Variants in KIAA1217 observed in about 807,000 individuals in gnomAD.
KIAA1217 encodes the protein sickle tail protein homolog.
In KIAA1217, 88 loss-of-function variants were observed where a neutral mutation model predicts 163.9. The ratio of observed to expected loss-of-function variants is 0.54; its 90% CI spans 0.45 to 0.64. KIAA1217 has a LOEUF of 0.64. Ranked by LOEUF, KIAA1217 falls within the 30% of genes least tolerant of loss-of-function variation. KIAA1217 has a pLI of 0.00. For missense variants in KIAA1217, 2,372 were observed against 2,475.0 expected (o/e 0.96, Z 0.88); for synonymous variants, 903 against 923.1 (o/e 0.98, Z 0.39).
chr10:23,719,753 C>T (rs1361231810), intron 1 of KIAA1217, among the ~76,000 whole-genome samples: 1 of 151,512 alleles, frequency 6.6e-6, no homozygotes, highest in Non-Finnish European at 1.5e-5. Flanking sequence ...CCCATCTCCA[C>T]TAAAAATACA....
intron 10 of KIAA1217, among the ~76,000 whole-genome samples, chr10:24,514,496 C>A (rs2069729556): frequency 1.3e-5 from 2 of 152,088 alleles, no homozygotes; most frequent in African/African-American, 4.8e-5. Flanking sequence ...TTGAGTTATT[C>A]TTTTCCTAAT....
intron 2 of KIAA1217, among the ~76,000 whole-genome samples, chr10:24,010,744 C>T (rs918865180): frequency 6.6e-6 from 1 of 151,750 alleles, no homozygotes; most frequent in South Asian, 2.1e-4. Flanking sequence ...AATAAATACA[C>T]TTGCATTCTG....
chr10:23,849,014 G>T (rs1465135692), intron 1 of KIAA1217, among the ~76,000 whole-genome samples: 1 of 151,958 alleles, frequency 6.6e-6, no homozygotes, highest in Non-Finnish European at 1.5e-5. Flanking sequence ...TATTTCCCCA[G>T]AACCTGGCAC....
chr10:24,094,115 G>A (rs1272168734), intron 2 of KIAA1217, among the ~76,000 whole-genome samples: 2 of 152,124 alleles, frequency 1.3e-5, no homozygotes, highest in East Asian at 1.9e-4. Flanking sequence ...AAACATACGT[G>A]TGCATGTGTC....
Position 24,503,383 on chromosome 10 carries a change from A to G in KIAA1217, c.2001+1838A>G, listed in dbSNP as rs558658569. ...CGTCTGTGATGGCCCCATCCTTTGC[A>G]TTAGCTTCCTCTCGCTTTGCAATTT... On this transcript the variant is annotated intron_variant, in intron 9 of 20. Coordinates refer to ENST00000376454, the MANE Select transcript of KIAA1217 (RefSeq NM_019590.5). Among the ~76,000 whole-genome samples, 14 of 152,350 alleles carry G rather than the reference A, an allele frequency of 9.2e-5. No homozygotes were observed. In the South Asian group the frequency reaches 1.4e-3, roughly 16 times the overall value.
chr10:23,755,556 C>T (rs1330035446), intron 1 of KIAA1217, among the ~76,000 whole-genome samples: 1 of 152,108 alleles, frequency 6.6e-6, no homozygotes, highest in Non-Finnish European at 1.5e-5. Context: ...TCCCTGGTGG[C>T]CTCGAGTGAG....
intron 2 of KIAA1217, among the ~76,000 whole-genome samples, chr10:24,015,198 G>A (rs1256024213): frequency 6.6e-6 from 1 of 152,038 alleles, no homozygotes; most frequent in Non-Finnish European, 1.5e-5. Flanking sequence ...CCTATAAAGG[G>A]CTGTACAATG....
intron 2 of KIAA1217, among the ~76,000 whole-genome samples, chr10:24,360,636 C>T (rs987209545): frequency 6.6e-6 from 1 of 152,156 alleles, no homozygotes; most frequent in African/African-American, 2.4e-5. Flanking sequence ...CTTGTTTCCT[C>T]TTGAATTTGG....
intron 2 of KIAA1217, among the ~76,000 whole-genome samples, chr10:24,291,703 A>G (rs1288775900): frequency 6.6e-6 from 1 of 151,980 alleles, no homozygotes. Flanking sequence ...ATTTTTTTAT[A>G]CCACCATAGA....
At chr10:24,143,125 G>A (rs1056591476) in intron 2 of KIAA1217, among the ~76,000 whole-genome samples, 2 of 152,174 alleles carry the variant, frequency 1.3e-5, no homozygotes, top group Admixed American at 6.5e-5. Context: ...ATAGACAAAA[G>A]AGGAGGGACA....
chr10:24,198,435 T>C (rs561894681), intron 2 of KIAA1217, among the ~76,000 whole-genome samples: 1 of 151,974 alleles, frequency 6.6e-6, no homozygotes, highest in African/African-American at 2.4e-5. Flanking sequence ...ACGGCAAAAC[T>C]CCATCTGTAC....
intron 14 of KIAA1217, 44 bp from the exon 15 acceptor site, chr10:24,531,786 T>C (rs528966403): frequency 6.6e-7 from 1 of 1,506,370 alleles, no homozygotes; most frequent in South Asian, 1.4e-5. Flanking sequence ...TCTGGATGTT[T>C]TCTTGAAAAA....
At chr10:24,287,987 A>G (rs955240696) in intron 2 of KIAA1217, among the ~76,000 whole-genome samples, 8 of 152,208 alleles carry the variant, frequency 5.3e-5, no homozygotes, top group African/African-American at 1.7e-4. Flanking sequence ...TCTCAGGTCA[A>G]TCCTAAAAGC....
intron 2 of KIAA1217, among the ~76,000 whole-genome samples, chr10:24,198,923 G>T (rs79749809): frequency 6.6e-6 from 1 of 152,106 alleles, no homozygotes; most frequent in Non-Finnish European, 1.5e-5. Flanking sequence ...GCAATGTTCA[G>T]TATTACATGA....
chr10:24,514,796 C>A (rs1276510477), intron 10 of KIAA1217, among the ~76,000 whole-genome samples: 1 of 151,968 alleles, frequency 6.6e-6, no homozygotes, highest in Non-Finnish European at 1.5e-5. Flanking sequence ...TCGAGACCAG[C>A]CTGGCCAACA....
intron 2 of KIAA1217, among the ~76,000 whole-genome samples, chr10:24,298,658 C>T (rs1434091549): frequency 6.6e-6 from 1 of 151,986 alleles, no homozygotes; most frequent in Non-Finnish European, 1.5e-5. Context: ...ATTAGCCGGG[C>T]ATGGTAGTAC....
chr10:24,069,138 G>T (rs1364961784), intron 2 of KIAA1217, among the ~76,000 whole-genome samples: 2 of 152,318 alleles, frequency 1.3e-5, no homozygotes, highest in South Asian at 4.1e-4. Context: ...TCATGGGCTA[G>T]TTCAAACCAC....
At chr10:23,980,032 A>G (rs1298587169) in intron 1 of KIAA1217, among the ~76,000 whole-genome samples, 1 of 152,036 alleles carries the variant, frequency 6.6e-6, no homozygotes, top group African/African-American at 2.4e-5. Flanking sequence ...CACGAATACC[A>G]TATATTTTCC....
At chr10:24,029,013 T>G (rs572789917) in intron 2 of KIAA1217, among the ~76,000 whole-genome samples, 66 of 152,170 alleles carry the variant, frequency 4.3e-4, no homozygotes, top group South Asian at 1.7e-3. Flanking sequence ...GTCCAGTAAG[T>G]GGGAAGAAAT....
Sources: gnomAD v4.1 joint callset for allele counts (sites outside exome capture counted in the v4.1 genomes callset) on GRCh38, gnomAD v4.1.1 for gene constraint, MANE v1.5 for transcripts, NCBI Gene and HGNC (gene_info 2026-07-23, HGNC 2026-07-21) for gene names.